Variants in ERC1 observed in about 807,000 individuals in gnomAD.
ERC1 encodes ELKS/RAB6-interacting/CAST family member 1, also known as RAB6 interacting protein 2.
Under a neutral mutation model 132.0 loss-of-function variants are expected in ERC1, and 56 were observed. That is an observed-to-expected ratio of 0.42 (90% CI 0.34 to 0.53). The LOEUF (loss-of-function observed/expected upper bound fraction) is 0.53. Among genes scored for constraint, ERC1 ranks in the 20% least tolerant of loss-of-function variants. The probability of loss-of-function intolerance (pLI) is 0.03; values close to 1 mark genes in which losing one functional copy is unlikely to be tolerated. For missense variants in ERC1, 1,202 were observed against 1,349.9 expected (o/e 0.89, Z 1.72); for synonymous variants, 478 against 476.1 (o/e 1.00, Z -0.05).
At chr12:1,261,574 G>A (rs1185489653) in intron 13 of ERC1, among the ~76,000 whole-genome samples, 7 of 152,072 alleles carry the variant, frequency 4.6e-5, no homozygotes, top group Admixed American at 1.3e-4. Context: ...TTGTCTCTGC[G>A]CGCGGCGTCC....
At chr12:1,463,654 G>A (rs1251164982) in intron 18 of ERC1, among the ~76,000 whole-genome samples, 1 of 150,420 alleles carries the variant, frequency 6.6e-6, no homozygotes, top group Non-Finnish European at 1.5e-5. Flanking sequence ...TCCGTATCAG[G>A]ACTGCGCTGG....
chr12:1,372,949 A>G (rs1340911683), intron 16 of ERC1, among the ~76,000 whole-genome samples: 1 of 152,264 alleles, frequency 6.6e-6, no homozygotes, highest in East Asian at 1.9e-4. Context: ...TCTGTGGATC[A>G]AATTAAAACT....
At chr12:1,428,595 G>A (rs919738688) in intron 17 of ERC1, among the ~76,000 whole-genome samples, 1 of 152,084 alleles carries the variant, frequency 6.6e-6, no homozygotes, top group Non-Finnish European at 1.5e-5. Context: ...TAACACTTGT[G>A]TATTCCATCA....
chr12:1,097,379 C>A (rs1396363011), intron 3 of ERC1, among the ~76,000 whole-genome samples: 4 of 152,190 alleles, frequency 2.6e-5, no homozygotes, highest in Non-Finnish European at 5.9e-5. Context: ...TGCTTTTAAA[C>A]TCTGTTAGGC....
In ERC1 at chr12:1,337,410, A is replaced by C. The variant is rs540550440; in HGVS notation, c.2781-34423A>C. The stretch of plus-strand genomic sequence containing the variant: ...CTGTTTGCTTCGTAGATTTTTCTTT[A>C]TTTATTTTGAGTCTGTGGGTGTCAT... On this transcript the variant is annotated intron_variant, in intron 15 of 18. Transcript: ENST00000360905. Among the ~76,000 whole-genome samples the C allele has an allele frequency of 1.4e-4, 20 of 141,718 alleles. 1 individual carries two copies. The South Asian group carries it at 4.2e-3, about 30-fold the overall frequency. 93.0% of individuals were successfully genotyped at this position (141,718 alleles called of 152,430 possible). A position where few individuals can be genotyped will look rare whatever the true frequency, so the allele number is the denominator to read the frequency against.
chr12:1,021,411 A>G (rs1966347573), intron 1 of ERC1, among the ~76,000 whole-genome samples: 1 of 151,878 alleles, frequency 6.6e-6, no homozygotes, highest in African/African-American at 2.4e-5. Flanking sequence ...TACTTACTAT[A>G]AAAGTGGTGG....
At chr12:1,239,285 G>C (rs1412078081) in intron 13 of ERC1, among the ~76,000 whole-genome samples, 1 of 151,978 alleles carries the variant, frequency 6.6e-6, no homozygotes, top group African/African-American at 2.4e-5. Context: ...CGAACTCCTG[G>C]CTCCACACGA....
intron 16 of ERC1, among the ~76,000 whole-genome samples, chr12:1,387,725 A>G (rs546516078): frequency 1.3e-5 from 2 of 152,206 alleles, no homozygotes; most frequent in Non-Finnish European, 2.9e-5. Flanking sequence ...CACAGGGAAC[A>G]TGGCCCTGCC....
chr12:1,121,827 CTCTATCTCTA>C (rs1389887767), intron 7 of ERC1, among the ~76,000 whole-genome samples: 354 of 20,246 alleles, frequency 0.017, 102 homozygotes, highest in Non-Finnish European at 0.027. Flanking sequence ...CTATCTGTGT[CTCTATCTCTA>C]TCTATCTCTA....
At chr12:1,158,608 T>G (rs1478896928) in intron 8 of ERC1, among the ~76,000 whole-genome samples, 2 of 48,648 alleles carry the variant, frequency 4.1e-5, no homozygotes, top group African/African-American at 3.3e-4. Context: ...TTTTCTTTTC[T>G]TTTTTTTTTT....
At chr12:1,146,919 C>T (rs1236892981) in intron 8 of ERC1, among the ~76,000 whole-genome samples, 2 of 152,058 alleles carry the variant, frequency 1.3e-5, no homozygotes, top group African/African-American at 4.8e-5. Context: ...TGATGGTTTC[C>T]AGTTTCATCC....
chr12:1,408,957 A>G lies in ERC1; in HGVS notation c.3024+710A>G, dbSNP rs1691653124. On this transcript the variant is annotated intron_variant, in intron 17 of 18. Transcript: ENST00000360905. ...AAAATCAAATTTTAACATCTCTATCACACCCAGTCTTAAAATATGTAGCTA... is the reference window on the plus strand; with the variant it reads ...AAAATCAAATTTTAACATCTCTATCGCACCCAGTCTTAAAATATGTAGCTA... Among the ~76,000 whole-genome samples the G allele has an allele frequency of 4.6e-5, 7 of 152,054 alleles. No individual in the cohort carries two copies. In the South Asian group the frequency reaches 1.5e-3, roughly 32 times the overall value.
chr12:1,060,675 G>A (rs550572283), intron 2 of ERC1, among the ~76,000 whole-genome samples: 3 of 151,954 alleles, frequency 2.0e-5, no homozygotes, highest in Non-Finnish European at 4.4e-5. Context: ...GGAAAGACTG[G>A]CCCCATGATT....
intron 18 of ERC1, among the ~76,000 whole-genome samples, chr12:1,487,210 C>T (rs371160300): frequency 1.3e-5 from 2 of 152,228 alleles, no homozygotes; most frequent in South Asian, 4.1e-4. Context: ...TCGGGCCCCT[C>T]AGTGTCCTGG....
In ERC1 at chr12:1,362,482, C is replaced by G. The variant is rs531938369; in HGVS notation, c.2781-9351C>G. ...TCTCTCTCTCTCTGTCTCTCTCTCTCTCGAAGAGCTGGAAAAGAGGACTCG... is the reference window on the plus strand; with the variant it reads ...TCTCTCTCTCTCTGTCTCTCTCTCTGTCGAAGAGCTGGAAAAGAGGACTCG... On this transcript the variant is annotated intron_variant, in intron 15 of 18. Coordinates refer to ENST00000360905, the MANE Select transcript of ERC1 (RefSeq NM_178040.4). 4.6e-5 allele frequency among the ~76,000 whole-genome samples: 7 copies of G among 152,248 alleles called. No homozygotes were observed. The South Asian group carries it at 1.5e-3, about 32-fold the overall frequency.
chr12:1,486,773 C>G (rs2094225505), intron 18 of ERC1, among the ~76,000 whole-genome samples: 1 of 152,130 alleles, frequency 6.6e-6, no homozygotes. Context: ...CGGAAAACTC[C>G]TGAAAAAAAT....
chr12:1,179,014 A>T (rs1469164399), intron 8 of ERC1, among the ~76,000 whole-genome samples: 1 of 152,250 alleles, frequency 6.6e-6, no homozygotes, highest in South Asian at 2.1e-4. Context: ...CCTTTAGCTT[A>T]TTAAGGATAG....
At chr12:1,273,164 A>G (rs192849687) in intron 14 of ERC1, among the ~76,000 whole-genome samples, 83 of 152,318 alleles carry the variant, frequency 5.4e-4, no homozygotes, top group African/African-American at 1.9e-3. Flanking sequence ...TATTCCTAGA[A>G]GCAGGAAGAT....
At chr12:1,330,255 T>C (rs762860334) in intron 15 of ERC1, among the ~76,000 whole-genome samples, 88 of 152,352 alleles carry the variant, frequency 5.8e-4, no homozygotes, top group Admixed American at 2.0e-3. Flanking sequence ...TTCCACATCC[T>C]CGAGTGAGTG....
Sources: allele counts gnomAD v4.1 joint callset (sites outside exome capture counted in the v4.1 genomes callset), GRCh38; gene constraint gnomAD v4.1.1; transcripts MANE v1.5; gene names NCBI Gene and HGNC (gene_info 2026-07-23, HGNC 2026-07-21).